Variants in IQGAP2 observed in about 807,000 individuals in gnomAD.
The protein encoded by IQGAP2 is IQ motif containing GTPase activating protein 2.
In IQGAP2, 173 loss-of-function variants were observed where a neutral mutation model predicts 201.3. The ratio of observed to expected loss-of-function variants is 0.86; its 90% CI spans 0.76 to 0.98. The LOEUF (loss-of-function observed/expected upper bound fraction) is 0.98. IQGAP2 is among the 50% of genes least tolerant of loss of function. The pLI is 0.00. For synonymous variants in IQGAP2, 675 were observed against 673.9 expected (o/e 1.00, Z -0.03); for missense variants, 1,687 against 1,864.8 (o/e 0.90, Z 1.76).
intron 2 of IQGAP2, among the ~76,000 whole-genome samples, chr5:76,465,039 C>T (rs1004198560): frequency 5.9e-5 from 9 of 152,208 alleles, no homozygotes; most frequent in African/African-American, 1.9e-4. Flanking sequence ...CCAAAAAATA[C>T]GAAAAGAGAA....
intron 16 of IQGAP2, among the ~76,000 whole-genome samples, chr5:76,637,525 TC>T (rs1191895150): frequency 6.6e-6 from 1 of 152,136 alleles, no homozygotes; most frequent in Non-Finnish European, 1.5e-5. Flanking sequence ...GGTATTTCTT[TC>T]CCCCCATCTC....
At chr5:76,575,006 C>T (rs1239887795) in intron 4 of IQGAP2, among the ~76,000 whole-genome samples, 1 of 152,050 alleles carries the variant, frequency 6.6e-6, no homozygotes, top group African/African-American at 2.4e-5. Context: ...GTGTTTTAAA[C>T]AGGTTACACT....
chr5:76,615,187 G>C (rs1213154692), intron 13 of IQGAP2, among the ~76,000 whole-genome samples: 4 of 152,138 alleles, frequency 2.6e-5, no homozygotes, highest in African/African-American at 9.7e-5. Context: ...CCACCAAAAA[G>C]TTCTGTTTTG....
At chr5:76,693,522 C>T in intron 31 of IQGAP2, 80 bp downstream of exon 31, 2 of 909,036 alleles carry the variant, frequency 2.2e-6, no homozygotes, top group Non-Finnish European at 3.5e-6. Context: ...TGTTTATTAT[C>T]TCAGAGAAAC....
intron 2 of IQGAP2, among the ~76,000 whole-genome samples, chr5:76,531,609 G>A (rs538532387): frequency 6.6e-6 from 1 of 152,256 alleles, no homozygotes; most frequent in South Asian, 2.1e-4. Flanking sequence ...ATGCAAATTT[G>A]GAGGACATAT....
At chr5:76,426,804 C>A (rs1218654322) in intron 1 of IQGAP2, among the ~76,000 whole-genome samples, 1 of 152,064 alleles carries the variant, frequency 6.6e-6, no homozygotes, top group Admixed American at 6.5e-5. Flanking sequence ...CAAGTAGGGG[C>A]CCTTCTTGAT....
chr5:76,532,364 C>A (rs988858184), intron 2 of IQGAP2, among the ~76,000 whole-genome samples: 1 of 151,472 alleles, frequency 6.6e-6, no homozygotes, highest in Non-Finnish European at 1.5e-5. Context: ...AGAAAAAAAA[C>A]CCATATGGAT....
chr5:76,493,137 T>C (rs1208095565), intron 2 of IQGAP2, among the ~76,000 whole-genome samples: 3 of 152,306 alleles, frequency 2.0e-5, no homozygotes, highest in African/African-American at 4.8e-5. Context: ...CCACTTGCTC[T>C]GTTCTCAACA....
At chr5:76,415,566 T>C (rs147563697) in intron 1 of IQGAP2, among the ~76,000 whole-genome samples, 2,303 of 152,346 alleles carry the variant, frequency 0.015, 80 homozygotes, top group African/African-American at 0.052. Flanking sequence ...CAAGTGTGTA[T>C]GTGTGTACAT....
At chr5:76,436,781 G>A (rs951551635) in intron 1 of IQGAP2, among the ~76,000 whole-genome samples, 3 of 151,128 alleles carry the variant, frequency 2.0e-5, no homozygotes, top group Non-Finnish European at 4.4e-5. Context: ...ACCTGCCTCG[G>A]CCTCCCAAAG....
chr5:76,612,604 T>C (rs1387437793), intron 13 of IQGAP2, among the ~76,000 whole-genome samples: 1 of 152,196 alleles, frequency 6.6e-6, no homozygotes. Flanking sequence ...ATTATAATTA[T>C]GTATTAAGGC....
At chr5:76,623,298 T>C (rs1749893358) in intron 13 of IQGAP2, 1 of 1,564,818 alleles carries the variant, frequency 6.4e-7, no homozygotes, top group African/African-American at 1.4e-5. Flanking sequence ...CAATTTCACC[T>C]CAGTTCCATG....
chr5:76,486,637 ATT>A (rs67220703), intron 2 of IQGAP2, among the ~76,000 whole-genome samples: 6 of 151,698 alleles, frequency 4.0e-5, no homozygotes, highest in Admixed American at 6.6e-5. Flanking sequence ...CAATTCAGTG[ATT>A]TTTTTTTTAA....
chr5:76,534,114 C>T (rs534968070), intron 2 of IQGAP2, among the ~76,000 whole-genome samples: 1 of 152,274 alleles, frequency 6.6e-6, no homozygotes, highest in South Asian at 2.1e-4. Flanking sequence ...AGGGTTAATC[C>T]ATCAGGGATA....
chr5:76,648,113 TAAG>T (rs927224256), intron 17 of IQGAP2, among the ~76,000 whole-genome samples: 3 of 151,960 alleles, frequency 2.0e-5, no homozygotes, highest in Non-Finnish European at 2.9e-5. Flanking sequence ...TGGGGAGTAA[TAAG>T]AAGGCACCCC....
At chr5:76,455,531 G>T (rs4704315) in intron 1 of IQGAP2, among the ~76,000 whole-genome samples, 151,318 of 151,600 alleles carry the variant, frequency 1, 75,528 homozygotes, top group Middle Eastern at 1. Context: ...TGAAAATAGT[G>T]TGGGGACTTT....
At chr5:76,595,768 AAGAGAGAGAGAGAG>A (rs142088212) in intron 9 of IQGAP2, among the ~76,000 whole-genome samples, 2 of 144,294 alleles carry the variant, frequency 1.4e-5, no homozygotes, top group African/African-American at 2.6e-5. Context: ...CAAAAAAAGA[AAGAGAGAGAGAGAG>A]AGAGAGAGAG....
chr5:76,517,645 T>C (rs1758416263), intron 2 of IQGAP2, among the ~76,000 whole-genome samples: 1 of 150,808 alleles, frequency 6.6e-6, no homozygotes, highest in Non-Finnish European at 1.5e-5. Flanking sequence ...AGAAAGACAC[T>C]GTAAAGCAGA....
intron 2 of IQGAP2, among the ~76,000 whole-genome samples, chr5:76,556,356 C>T (rs1035635653): frequency 1.3e-5 from 2 of 152,228 alleles, no homozygotes; most frequent in Admixed American, 6.5e-5. Context: ...AAGATGGAGC[C>T]GCCATCTTGA....
Sources: gnomAD v4.1 joint callset for allele counts (sites outside exome capture counted in the v4.1 genomes callset) on GRCh38, gnomAD v4.1.1 for gene constraint, MANE v1.5 for transcripts, NCBI Gene and HGNC (gene_info 2026-07-23, HGNC 2026-07-21) for gene names.